GRID2: variants seen among roughly 807,000 people sequenced by gnomAD.
GRID2 encodes the protein glutamate receptor ionotropic, delta-2.
In GRID2, 33 loss-of-function variants were observed where a neutral mutation model predicts 114.8. That is an observed-to-expected ratio of 0.29 (90% confidence interval 0.22 to 0.38). The LOEUF (loss-of-function observed/expected upper bound fraction) is 0.38, where lower values mean the gene tolerates loss of function less well. Ranked by LOEUF, GRID2 falls within the 10% of genes least tolerant of loss-of-function variation. The probability of loss-of-function intolerance (pLI) is 1.00; values close to 1 mark genes in which losing one functional copy is unlikely to be tolerated. For missense variants in GRID2, 1,184 were observed against 1,257.7 expected, an observed-to-expected ratio of 0.94 and a Z score of 0.89; for synonymous variants, 505 against 449.9, an observed-to-expected ratio of 1.12 and a Z score of -1.55.
intron 4 of GRID2, among the ~76,000 whole-genome samples, chr4:93,133,150 G>A (rs898385486): frequency 1.3e-5 from 2 of 151,592 alleles, no homozygotes; most frequent in African/African-American, 2.4e-5. Flanking sequence ...GCACGTTCTC[G>A]CTCTCTCTCG....
intron 8 of GRID2, among the ~76,000 whole-genome samples, chr4:93,339,036 A>G (rs1759370387): frequency 6.6e-6 from 1 of 152,150 alleles, no homozygotes; most frequent in Non-Finnish European, 1.5e-5. Context: ...AGCCATACAG[A>G]CAGGTCCATG....
chr4:92,709,630 A>G lies in GRID2; in HGVS notation c.244+119344A>G, dbSNP rs1023819646. Among the ~76,000 whole-genome samples the G allele has an allele frequency of 5.4e-5, 8 of 148,956 alleles. No homozygotes were observed. The South Asian group carries it at 1.3e-3, about 24-fold the overall frequency. Reference sequence around the variant, plus strand: ...TATATGTAATTTGATCATTCTCCATATATTTGCTTCTGAATTAGAGGGGAA... The same window carrying G: ...TATATGTAATTTGATCATTCTCCATGTATTTGCTTCTGAATTAGAGGGGAA... On this transcript the variant is annotated intron_variant, in intron 2 of 15. Coordinates refer to ENST00000282020, the MANE Select transcript of GRID2 (RefSeq NM_001510.4).
chr4:93,615,764 T>C (rs1331639748), intron 13 of GRID2, among the ~76,000 whole-genome samples: 1 of 152,196 alleles, frequency 6.6e-6, no homozygotes, highest in East Asian at 1.9e-4. Flanking sequence ...AGTTGTATTT[T>C]TTTAATGTGT....
chr4:93,272,989 C>T (rs1347900756), intron 8 of GRID2, among the ~76,000 whole-genome samples: 1 of 152,128 alleles, frequency 6.6e-6, no homozygotes, highest in African/African-American at 2.4e-5. Flanking sequence ...TTAAGATAAC[C>T]CTTGACCATC....
intron 1 of GRID2, among the ~76,000 whole-genome samples, chr4:92,411,092 A>G (rs1337089789): frequency 6.6e-6 from 1 of 152,196 alleles, no homozygotes; most frequent in Non-Finnish European, 1.5e-5. Context: ...ATGTCTTGTC[A>G]GCACAGATTC....
At chr4:92,398,463 G>A (rs1730616535) in intron 1 of GRID2, among the ~76,000 whole-genome samples, 1 of 151,836 alleles carries the variant, frequency 6.6e-6, no homozygotes, top group Non-Finnish European at 1.5e-5. Flanking sequence ...ACCACACTGG[G>A]CTAGCTTTTG....
intron 2 of GRID2, among the ~76,000 whole-genome samples, chr4:92,718,761 C>CAAAAAAAAA (rs3077559): frequency 2.4e-5 from 1 of 41,786 alleles, no homozygotes; most frequent in African/African-American, 9.7e-5. Flanking sequence ...AGACCCTGTC[C>CAAAAAAAAA]AAAAAAAAAA....
At position 93,188,755 on chromosome 4, in the gene GRID2, C is replaced by T. The variant is rs138657014; in HGVS notation, c.736-18649C>T. On this transcript the variant is annotated intron_variant, in intron 4 of 15. Transcript: ENST00000282020. Reference sequence around the variant, plus strand: ...TAAGCAATTTAGAGAAGCCATGCTACATCCTCAGTACTTCCACCAAATATC... The same window carrying T: ...TAAGCAATTTAGAGAAGCCATGCTATATCCTCAGTACTTCCACCAAATATC... Among the ~76,000 whole-genome samples the T allele has an allele frequency of 5.9e-5, 9 of 152,290 alleles. No homozygotes were observed. In the East Asian group the frequency reaches 1.7e-3, roughly 29 times the overall value.
In GRID2 at chr4:93,460,903, T is replaced by A. The variant is rs1217241412; in HGVS notation, c.1858+4929T>A. 2.0e-5 allele frequency among the ~76,000 whole-genome samples: 3 copies of A among 152,310 alleles called. No homozygotes were observed. In the East Asian group the frequency reaches 5.8e-4, roughly 29 times the overall value. On this transcript the variant is annotated intron_variant, in intron 11 of 15. Coordinates refer to ENST00000282020, the MANE Select transcript of GRID2 (RefSeq NM_001510.4). ...TAAGAAACTAAGAGGAGTTTATAAG[T>A]AAGGCATCCTCTTGGTTGAAGCCTC...
At chr4:93,006,463 TGA>T (rs1206215545) in intron 2 of GRID2, among the ~76,000 whole-genome samples, 1 of 152,008 alleles carries the variant, frequency 6.6e-6, no homozygotes, top group Non-Finnish European at 1.5e-5. Context: ...TGAAATTATG[TGA>T]GACTAAATAT....
chr4:93,503,350 G>T (rs2149476661), intron 12 of GRID2, among the ~76,000 whole-genome samples: 1 of 152,160 alleles, frequency 6.6e-6, no homozygotes, highest in Admixed American at 6.6e-5. Flanking sequence ...TATACTTTAA[G>T]TTTTAGGGTA....
chr4:92,769,199 G>A (rs536971274), intron 2 of GRID2, among the ~76,000 whole-genome samples: 8 of 152,266 alleles, frequency 5.3e-5, no homozygotes, highest in South Asian at 4.1e-4. Context: ...TGTGCAGTCC[G>A]AAACCCAGTG....
intron 2 of GRID2, among the ~76,000 whole-genome samples, chr4:92,836,613 A>G (rs1456340576): frequency 2.6e-5 from 4 of 152,138 alleles, no homozygotes; most frequent in Non-Finnish European, 1.5e-5. Flanking sequence ...TTTCTACTTT[A>G]GGAAAATGTA....
At chr4:93,805,662 C>T (rs1735014520) in intron 1 of GRID2, among the ~76,000 whole-genome samples, 1 of 152,180 alleles carries the variant, frequency 6.6e-6, no homozygotes, top group Non-Finnish European at 1.5e-5. Flanking sequence ...CCTTCTGATG[C>T]AGGCCTAAGT....
chr4:92,492,387 G>A (rs1442802271), intron 1 of GRID2, among the ~76,000 whole-genome samples: 1 of 152,120 alleles, frequency 6.6e-6, no homozygotes, highest in Non-Finnish European at 1.5e-5. Flanking sequence ...ACAAAATGAT[G>A]TTTATTACAT....
chr4:93,664,135 G>C (rs775094483), intron 14 of GRID2, among the ~76,000 whole-genome samples: 1 of 152,172 alleles, frequency 6.6e-6, no homozygotes, highest in Non-Finnish European at 1.5e-5. Flanking sequence ...TCACACAAAG[G>C]GAACAGCAGT....
chr4:93,341,865 G>A (rs1759690129), intron 8 of GRID2, among the ~76,000 whole-genome samples: 1 of 152,028 alleles, frequency 6.6e-6, no homozygotes, highest in South Asian at 2.1e-4. Flanking sequence ...TGATTCTGTG[G>A]TTTAAATAGA....
At chr4:93,209,503 G>T (rs1435237715) in intron 5 of GRID2, among the ~76,000 whole-genome samples, 2 of 151,984 alleles carry the variant, frequency 1.3e-5, no homozygotes, top group African/African-American at 4.8e-5. Context: ...ACTGTTGGTG[G>T]GTATTTATGT....
At chr4:93,202,802 C>T (rs1444865126) in intron 4 of GRID2, among the ~76,000 whole-genome samples, 1 of 152,204 alleles carries the variant, frequency 6.6e-6, no homozygotes, top group South Asian at 2.1e-4. Flanking sequence ...TCCATATTAG[C>T]TCAATTTGAT....
Sources: allele counts gnomAD v4.1 joint callset (sites outside exome capture counted in the v4.1 genomes callset), GRCh38; gene constraint gnomAD v4.1.1; transcripts MANE v1.5; gene names NCBI Gene and HGNC (gene_info 2026-07-23, HGNC 2026-07-21).